PTPN13: variants seen among roughly 807,000 people sequenced by gnomAD.
PTPN13 encodes tyrosine-protein phosphatase non-receptor type 13.
In PTPN13, 191 loss-of-function variants were observed where a neutral mutation model predicts 284.0. The observed-to-expected ratio is 0.67, with a 90% CI of 0.60 to 0.76. The LOEUF (loss-of-function observed/expected upper bound fraction) is 0.76. Ranked by LOEUF, PTPN13 falls within the 30% of genes least tolerant of loss-of-function variation. The pLI is 0.00. For synonymous variants in PTPN13, 986 were observed against 1,022.3 expected, an observed-to-expected ratio of 0.96 and a Z score of 0.68; for missense variants, 2,797 against 2,939.9, an observed-to-expected ratio of 0.95 and a Z score of 1.12.
intron 43 of PTPN13, among the ~76,000 whole-genome samples, chr4:86,804,667 A>G (rs1214056394): frequency 6.6e-6 from 1 of 152,232 alleles, no homozygotes; most frequent in Non-Finnish European, 1.5e-5. Flanking sequence ...TCTTCAAGGC[A>G]TATACTACAA....
intron 2 of PTPN13, among the ~76,000 whole-genome samples, chr4:86,645,845 T>A (rs1724363165): frequency 6.6e-6 from 1 of 152,148 alleles, no homozygotes; most frequent in Middle Eastern, 3.2e-3. Context: ...GTAAAATTCA[T>A]GTGGAAATTC....
intron 20 of PTPN13, among the ~76,000 whole-genome samples, chr4:86,757,737 T>G (rs1738139536): frequency 7.0e-6 from 1 of 142,944 alleles, no homozygotes; most frequent in Admixed American, 7.2e-5. Context: ...ACACTTATCC[T>G]GAGTAGCAAA....
chr4:86,652,952 C>G (rs1228556745), intron 2 of PTPN13, among the ~76,000 whole-genome samples: 2 of 151,530 alleles, frequency 1.3e-5, no homozygotes, highest in Non-Finnish European at 2.9e-5. Flanking sequence ...CTTATTTTTC[C>G]CCCGACTGTG....
At chr4:86,805,116 CTT>C (rs1406123802) in intron 43 of PTPN13, among the ~76,000 whole-genome samples, 161 bp from the exon 44 acceptor site, 2 of 152,158 alleles carry the variant, frequency 1.3e-5, no homozygotes, top group Non-Finnish European at 2.9e-5. Context: ...TCAATGCTGA[CTT>C]AACAAATCAC....
At chr4:86,805,830 A>G (rs1744591551) in intron 44 of PTPN13, among the ~76,000 whole-genome samples, 1 of 152,126 alleles carries the variant, frequency 6.6e-6, no homozygotes, top group African/African-American at 2.4e-5. Flanking sequence ...ACCAGCCTAC[A>G]TTAGACATTT....
At chr4:86,783,458 G>A (rs1015036111) in intron 37 of PTPN13, among the ~76,000 whole-genome samples, 7 of 152,038 alleles carry the variant, frequency 4.6e-5, no homozygotes, top group African/African-American at 1.7e-4. Flanking sequence ...GAGTTTTTGT[G>A]AAATTAACAT....
intron 1 of PTPN13, among the ~76,000 whole-genome samples, chr4:86,633,689 G>A (rs1339286565): frequency 6.6e-6 from 1 of 152,090 alleles, no homozygotes; most frequent in Non-Finnish European, 1.5e-5. Flanking sequence ...AGTCATGTTG[G>A]TATCTGATTG....
At chr4:86,663,407 C>T (rs1418970227) in intron 2 of PTPN13, among the ~76,000 whole-genome samples, 2 of 152,176 alleles carry the variant, frequency 1.3e-5, no homozygotes, top group East Asian at 1.9e-4. Flanking sequence ...CTGGGGGAAA[C>T]TTAGCAAGGC....
intron 1 of PTPN13, among the ~76,000 whole-genome samples, chr4:86,617,639 G>A (rs544664064): frequency 5.8e-4 from 88 of 152,142 alleles, no homozygotes; most frequent in African/African-American, 2.0e-3. Flanking sequence ...GGTGTGAGAT[G>A]GTATCTCATT....
Position 86,781,465 on chromosome 4 carries a change from G to A in PTPN13, c.5963-736G>A, listed in dbSNP as rs188400253. Among the ~76,000 whole-genome samples, 26 of 152,198 alleles carry A rather than the reference G, an allele frequency of 1.7e-4. No homozygotes were observed. In the East Asian group the frequency reaches 4.8e-3, roughly 28 times the overall value. On this transcript the variant is annotated intron_variant, in intron 36 of 47. Transcript: ENST00000411767. ...CATTTGGTTTAAAAATACATTAAAA[G>A]TTCTTTTCTGTTTTATCCATAATTT...
At position 86,799,085 on chromosome 4, in the gene PTPN13, T is replaced by C. The variant is rs1247132759; in HGVS notation, c.6402-16T>C. On this transcript the variant is annotated splice_polypyrimidine_tract_variant and intron_variant, in intron 41 of 47. Coordinates refer to ENST00000411767, the MANE Select transcript of PTPN13 (RefSeq NM_080683.3). ...AAAAATGAAGAAAATGTTTCAAATATGTTTTGTTTTCATAGCTTAATTCAG... is the reference window on the plus strand; with the variant it reads ...AAAAATGAAGAAAATGTTTCAAATACGTTTTGTTTTCATAGCTTAATTCAG... 1 of 1,442,332 alleles carries C rather than the reference T, an allele frequency of 6.9e-7. No homozygotes were observed. The highest frequency in any genetic ancestry group is 9.4e-7 in the Non-Finnish European group (1 of 1,062,332). 89.3% of individuals were successfully genotyped at this position (1,442,332 alleles called of 1,614,324 possible). A position where few individuals can be genotyped will look rare whatever the true frequency, so the allele number is the denominator to read the frequency against.
chr4:86,745,033 AG>A lies in PTPN13; in HGVS notation c.2556del (p.Ile853TyrfsTer19). 6.2e-7 allele frequency: 1 copy of A among 1,608,022 alleles called. No homozygotes were observed. The highest frequency in any genetic ancestry group is 8.5e-7 in the Non-Finnish European group (1 of 1,177,020). On this transcript the variant is annotated frameshift_variant, in exon 17 of 48. Coordinates refer to ENST00000411767, the MANE Select transcript of PTPN13 (RefSeq NM_080683.3). LOFTEE classifies it high-confidence loss of function. ...CATGGCTTCCAGACAGACAACAGTA[AG>A]ATATGCCAGTACCTGCTGCACCTCT... ...IKHGFQTDNSKICQYLLHLCS... is the reference protein window; with the variant it reads ...IKHGFQTDNSXICQYLLHLCS...
chr4:86,595,873 A>G (rs1763708586), intron 1 of PTPN13: 2 of 556,766 alleles, frequency 3.6e-6, no homozygotes, highest in Non-Finnish European at 4.6e-6. Flanking sequence ...TGCATGTATT[A>G]TGAAACAAGC....
intron 3 of PTPN13, among the ~76,000 whole-genome samples, chr4:86,676,295 T>C (rs1303476378): frequency 6.6e-6 from 1 of 152,188 alleles, no homozygotes; most frequent in Non-Finnish European, 1.5e-5. Flanking sequence ...ATGTTAAATG[T>C]TGGGCTTGTA....
chr4:86,798,071 AC>A (rs1170981940), intron 41 of PTPN13, among the ~76,000 whole-genome samples: 1 of 152,184 alleles, frequency 6.6e-6, no homozygotes. Context: ...AGTCTTTTTT[AC>A]ATTAACTGAA....
rs763248337 is a variant in PTPN13 at position 86,771,549 on chromosome 4, A to G, written c.5168+14A>G. The G allele has an allele frequency of 7.1e-6, 11 of 1,549,426 alleles. No homozygotes were observed. In the South Asian group the frequency reaches 1.2e-4, roughly 17 times the overall value. On this transcript the variant is annotated intron_variant, in intron 31 of 47. Transcript: ENST00000411767. ...GTTTGAGGACAGGTATCATCAATAT[A>G]ATGTGAACCGCTCAAAGCAACTGGT...
chr4:86,684,520 T>G (rs1402905236), intron 3 of PTPN13, among the ~76,000 whole-genome samples: 2 of 152,150 alleles, frequency 1.3e-5, no homozygotes, highest in African/African-American at 2.4e-5. Flanking sequence ...TTTGAATGTT[T>G]AAAAATTGAG....
chr4:86,798,465 T>G (rs1009099273), intron 41 of PTPN13, among the ~76,000 whole-genome samples: 1 of 152,208 alleles, frequency 6.6e-6, no homozygotes, highest in African/African-American at 2.4e-5. Context: ...CCCCTGAATA[T>G]CAGAAAGTTA....
chr4:86,736,657 G>A (rs1427707117), intron 15 of PTPN13, among the ~76,000 whole-genome samples: 1 of 152,184 alleles, frequency 6.6e-6, no homozygotes, highest in Non-Finnish European at 1.5e-5. Flanking sequence ...AAAGTAAGAT[G>A]TTACATTATA....
Sources: gnomAD v4.1 joint callset for allele counts (sites outside exome capture counted in the v4.1 genomes callset) on GRCh38, gnomAD v4.1.1 for gene constraint, MANE v1.5 for transcripts, NCBI Gene and HGNC (gene_info 2026-07-23, HGNC 2026-07-21) for gene names.